The following DSG4 variants were observed in gnomAD, a reference collection of about 807,000 sequenced individuals.
The protein encoded by DSG4 is desmoglein 4, also known as desmoglein-4.
A neutral mutation model predicts 93.1 loss-of-function variants in DSG4; 87 were observed. The observed-to-expected ratio is 0.93, with a 90% CI of 0.79 to 1.12. The LOEUF is 1.12. Ranked by LOEUF, DSG4 falls within the 50% of genes most tolerant of loss-of-function variation. The probability of loss-of-function intolerance (pLI) is 0.00; values close to 1 mark genes in which losing one functional copy is unlikely to be tolerated. For missense variants in DSG4, 1,373 were observed against 1,285.7 expected (o/e 1.07, Z -1.04); for synonymous variants, 432 against 452.9 (o/e 0.95, Z 0.59).
chr18:31,406,428 C>T (rs922645593), intron 12 of DSG4, 55 bp downstream of exon 12: 13 of 1,606,792 alleles, frequency 8.1e-6, no homozygotes, highest in African/African-American at 4.0e-5. Context: ...AGGGCTGTTA[C>T]GAGGCTCGCT....
At chr18:31,388,659 A>G in intron 4 of DSG4, 137 bp downstream of exon 4, 2 of 1,333,572 alleles carry the variant, frequency 1.5e-6, no homozygotes, top group Non-Finnish European at 2.1e-6. Flanking sequence ...AAGGAATGGA[A>G]AGAGTGTGAA....
chr18:31,413,731 G>A lies in DSG4; in HGVS notation c.*136G>A. The A allele has an allele frequency of 8.2e-7, 1 of 1,215,410 alleles. No homozygotes were observed. 75.3% of individuals were successfully genotyped at this position (1,215,410 alleles called of 1,614,324 possible). On this transcript the variant is annotated 3_prime_UTR_variant, in exon 16 of 16. Transcript: ENST00000308128. ...TATTCTAAGGTCAATGCCATTATTT[G>A]ATTATACCATTTTGAGGGTGAATAT...
In DSG4 at chr18:31,411,287, G is replaced by A; in HGVS notation, c.2194G>A (p.Val732Met). Reference sequence around the variant, plus strand: ...CACGGTGGAAGGAGGTGTATCGGGAGTGGAGCTCAACACAGGTATGGGGAC... The same window carrying A: ...CACGGTGGAAGGAGGTGTATCGGGAATGGAGCTCAACACAGGTATGGGGAC... The part of the protein sequence containing the change: ...GGTVEGGVSG[V>M]ELNTGMGTAV... The change falls in exon 15 of 16, where the codon GTG (valine) becomes ATG (methionine). Residue 732 changes from valine (V) to methionine (M), a missense_variant. By Grantham distance (21) the Val-to-Met change is conservative (BLOSUM62 1). Transcript: ENST00000308128. 4 of 1,613,158 alleles carry A rather than the reference G, an allele frequency of 2.5e-6. No individual in the cohort carries two copies. The highest frequency in any genetic ancestry group is 3.4e-6 in the Non-Finnish European group (4 of 1,180,016).
chr18:31,408,756 G>A (rs535339233), intron 12 of DSG4, among the ~76,000 whole-genome samples: 2 of 152,260 alleles, frequency 1.3e-5, no homozygotes, highest in South Asian at 4.1e-4. Context: ...AGTATGAAAA[G>A]CAACCAGAGT....
intron 11 of DSG4, 138 bp downstream of exon 11, chr18:31,403,772 AT>A (rs2072396122): frequency 1.3e-6 from 1 of 783,820 alleles, no homozygotes. Flanking sequence ...AATGAAAAAA[AT>A]ATTTCATGTA....
chr18:31,413,099 T>C lies in DSG4; in HGVS notation c.2627T>C (p.Phe876Ser), dbSNP rs780222146. 1 of 1,614,134 alleles carries C rather than the reference T, an allele frequency of 6.2e-7. No homozygotes were observed. Among genetic ancestry groups the C allele is most frequent in the Non-Finnish European group, 8.5e-7 (1 of 1,180,032 alleles). Residue 876 changes from phenylalanine (F) to serine (S), a missense_variant, in exon 16 of 16, where the codon TTT (phenylalanine) becomes TCT (serine). Phe to Ser is a radical substitution (Grantham distance 155, BLOSUM62 -2). Coordinates refer to ENST00000308128, the MANE Select transcript of DSG4 (RefSeq NM_177986.5). ...CTCCCTTTGCTCGGACCTAATTACT[T>C]TGTTAATGAATCTTCAGGATTGACT... ...TDLPLLGPNY[F>S]VNESSGLTPS...
Position 31,390,788 on chromosome 18 carries a change from A to G in DSG4, c.650A>G (p.Glu217Gly), listed in dbSNP as rs774484223. The G allele has an allele frequency of 1.2e-6, 2 of 1,613,622 alleles. No individual in the cohort carries two copies. The highest frequency in any genetic ancestry group is 2.7e-5 in the African/African-American group (2 of 74,898). Residue 217 changes from glutamate (E) to glycine (G), a missense_variant, in exon 6 of 16, where the codon GAA becomes GGA. Glu to Gly is a moderately conservative substitution (Grantham distance 98). Transcript: ENST00000308128. ...TTCATTCTGAATAGGTACACTGGAG[A>G]AGTCTGCACCATGTCCAGTTTCTTG... ...PMFILNRYTG[E>G]VCTMSSFLDR...
chr18:31,389,031 A>G lies in DSG4; in HGVS notation c.517+13A>G, dbSNP rs1245592321. On this transcript the variant is annotated intron_variant, in intron 5 of 15. Transcript: ENST00000308128. ...AATAGTGATGCCAGTAAGTAGAATG[A>G]CATTCCTTCTCTACGTCACAGCATA... The G allele has an allele frequency of 6.2e-7, 1 of 1,612,678 alleles. No individual in the cohort carries two copies. Among genetic ancestry groups the G allele is most frequent in the East Asian group, 2.2e-5 (1 of 44,836 alleles).
intron 1 of DSG4, 43 bp downstream of exon 1, chr18:31,377,002 G>C: frequency 6.2e-7 from 1 of 1,600,378 alleles, no homozygotes; most frequent in South Asian, 1.1e-5. Context: ...GCAGCCTCAA[G>C]GTCTTGTCTC....
rs759768071 is a variant in DSG4 at position 31,399,365 on chromosome 18, A to G, written c.1099A>G (p.Met367Val). ...FHYSVASQFQ[M>V]HPTPVRIQVV... ...CTACTCCGTTGCTTCTCAATTCCAA[A>G]TGCACCCAACCCCTGTGAGAATTCA... The change falls in exon 9 of 16, where the codon ATG becomes GTG. Residue 367 changes from methionine to valine, a missense_variant. Coordinates refer to ENST00000308128, the MANE Select transcript of DSG4 (RefSeq NM_177986.5). 1 of 1,614,114 alleles carries G rather than the reference A, an allele frequency of 6.2e-7. No individual in the cohort carries two copies. Among genetic ancestry groups the G allele is most frequent in the South Asian group, 1.1e-5 (1 of 91,088 alleles).
In DSG4 at chr18:31,409,649, C is replaced by A. The variant is rs2072465063; in HGVS notation, c.2073+58C>A. 3.7e-6 allele frequency: 6 copies of A among 1,613,616 alleles called. No homozygotes were observed. In the Admixed American group the frequency reaches 1.0e-4, roughly 27 times the overall value. ...GAGTTTCAGTGGAAATTGAGCATGT[C>A]TTAACAATTACATGCTGCACAAAAA... On this transcript the variant is annotated intron_variant, in intron 13 of 15. Coordinates refer to ENST00000308128, the MANE Select transcript of DSG4 (RefSeq NM_177986.5).
At chr18:31,380,130 A>T (rs1266718271) in intron 1 of DSG4, among the ~76,000 whole-genome samples, 1 of 152,168 alleles carries the variant, frequency 6.6e-6, no homozygotes, top group African/African-American at 2.4e-5. Context: ...TTTATATCCC[A>T]AGAGATATCT....
chr18:31,396,829 G>A (rs972765761), intron 8 of DSG4, among the ~76,000 whole-genome samples: 8 of 152,138 alleles, frequency 5.3e-5, no homozygotes, highest in African/African-American at 1.4e-4. Context: ...CAGTAAAACC[G>A]ATTTTAGGAA....
Position 31,411,450 on chromosome 18 carries a change from T to C in DSG4, c.2355+2T>C. The C allele has an allele frequency of 6.2e-7, 1 of 1,612,204 alleles. No homozygotes were observed. The highest frequency in any genetic ancestry group is 8.5e-7 in the Non-Finnish European group (1 of 1,179,966). ...TTCTTGGACAGCTACTTCTCGGAGG[T>C]AATGCCCTCACAGTCACACATAAAA... is the stretch of plus-strand genomic sequence containing the variant. On this transcript the variant is annotated splice_donor_variant, in intron 15 of 15. Coordinates refer to ENST00000308128, the MANE Select transcript of DSG4 (RefSeq NM_177986.5). LOFTEE classifies it high-confidence loss of function.
At chr18:31,388,328 C>T (rs543482376) in intron 3 of DSG4, 39 bp from the exon 4 acceptor site, 10 of 1,609,686 alleles carry the variant, frequency 6.2e-6, no homozygotes, top group Middle Eastern at 1.7e-4. Context: ...GCATTATCTG[C>T]TCTAAACTGG....
chr18:31,399,684 A>G (rs1254378852), intron 9 of DSG4, 141 bp downstream of exon 9: 2 of 1,124,602 alleles, frequency 1.8e-6, no homozygotes, highest in East Asian at 2.5e-5. Context: ...CTATTAGAGC[A>G]TTTGAAATCT....
intron 9 of DSG4, among the ~76,000 whole-genome samples, chr18:31,400,554 A>G (rs923935135): frequency 6.6e-6 from 1 of 152,204 alleles, no homozygotes; most frequent in African/African-American, 2.4e-5. Context: ...TAAATAAGCA[A>G]TATGTGTTTC....
At chr18:31,408,623 T>G (rs1398344583) in intron 12 of DSG4, among the ~76,000 whole-genome samples, 4 of 152,230 alleles carry the variant, frequency 2.6e-5, no homozygotes, top group Non-Finnish European at 4.4e-5. Context: ...GATACAGGCA[T>G]GCAATGTGAA....
chr18:31,390,951 T>C (rs2072242028), intron 6 of DSG4, 127 bp from the exon 7 acceptor site: 2 of 1,504,246 alleles, frequency 1.3e-6, no homozygotes, highest in Middle Eastern at 2.0e-4. Context: ...TAATAAAAAT[T>C]AAAAGCTCAA....
Sources: gnomAD v4.1 joint callset for allele counts (sites outside exome capture counted in the v4.1 genomes callset) on GRCh38, gnomAD v4.1.1 for gene constraint, MANE v1.5 for transcripts, NCBI Gene and HGNC (gene_info 2026-07-23, HGNC 2026-07-21) for gene names.